Variants in KCNAB1 observed in about 807,000 individuals in gnomAD.
KCNAB1 encodes voltage-gated potassium channel subunit beta-1.
Under a neutral mutation model 64.6 loss-of-function variants are expected in KCNAB1, and 35 were observed. The observed-to-expected ratio is 0.54, with a 90% CI of 0.41 to 0.72. The LOEUF (loss-of-function observed/expected upper bound fraction) is 0.72. Ranked by LOEUF, KCNAB1 falls within the 30% of genes least tolerant of loss-of-function variation. The pLI is 0.00. For synonymous variants in KCNAB1, 177 were observed against 183.8 expected (o/e 0.96, Z 0.30); for missense variants, 401 against 512.9 (o/e 0.78, Z 2.11).
chr3:156,285,226 T>A (rs574971416), intron 1 of KCNAB1, among the ~76,000 whole-genome samples: 24 of 152,368 alleles, frequency 1.6e-4, no homozygotes, highest in African/African-American at 4.8e-4. Flanking sequence ...ATAATTCCAC[T>A]TATCTTTGAA....
intron 2 of KCNAB1, chr3:156,441,358 A>G (rs554632741): frequency 1.0e-3 from 152 of 152,304 alleles, no homozygotes; most frequent in African/African-American, 3.5e-3. Context: ...AAGAAAGCAT[A>G]AAAGAGGACA....
chr3:156,151,808 A>T (rs1715427917), intron 1 of KCNAB1, among the ~76,000 whole-genome samples: 1 of 152,220 alleles, frequency 6.6e-6, no homozygotes. Context: ...TAATTTTGTC[A>T]GCTGACACAA....
At chr3:156,499,390 A>G (rs1015722289) in intron 8 of KCNAB1, among the ~76,000 whole-genome samples, 4 of 152,206 alleles carry the variant, frequency 2.6e-5, no homozygotes, top group Admixed American at 2.0e-4. Context: ...GGGGTGAACT[A>G]AATGGCTGGT....
chr3:156,361,008 G>A (rs981244100), intron 1 of KCNAB1, among the ~76,000 whole-genome samples: 19 of 152,074 alleles, frequency 1.2e-4, no homozygotes, highest in Admixed American at 1.3e-4. Context: ...TAAACCTGAA[G>A]TCATTTCACA....
chr3:156,465,814 A>C, intron 7 of KCNAB1, 128 bp downstream of exon 7: 1 of 760,422 alleles, frequency 1.3e-6, no homozygotes, highest in Non-Finnish European at 2.3e-6. Context: ...CAATCAACCA[A>C]GTTTCTTCTT....
At chr3:156,166,118 A>C (rs1454469759) in intron 1 of KCNAB1, among the ~76,000 whole-genome samples, 1 of 152,212 alleles carries the variant, frequency 6.6e-6, no homozygotes, top group Non-Finnish European at 1.5e-5. Flanking sequence ...GCCTTACTTA[A>C]GGGAAAGTAA....
At chr3:156,308,026 T>A (rs1315052989) in intron 1 of KCNAB1, among the ~76,000 whole-genome samples, 1 of 152,158 alleles carries the variant, frequency 6.6e-6, no homozygotes, top group Non-Finnish European at 1.5e-5. Context: ...AACAAGTAAA[T>A]GTTTAGCATG....
chr3:156,497,545 A>G (rs1270151056), intron 8 of KCNAB1, among the ~76,000 whole-genome samples: 1 of 152,250 alleles, frequency 6.6e-6, no homozygotes, highest in Non-Finnish European at 1.5e-5. Context: ...AGACAGGATA[A>G]TAGAATAAGA....
chr3:156,323,946 G>A (rs1722823329), intron 1 of KCNAB1, among the ~76,000 whole-genome samples: 2 of 152,154 alleles, frequency 1.3e-5, no homozygotes, highest in African/African-American at 4.8e-5. Context: ...TTTCAAACAT[G>A]TAGAGTGCTT....
chr3:156,400,073 C>T (rs1661512445), intron 1 of KCNAB1, among the ~76,000 whole-genome samples: 1 of 152,192 alleles, frequency 6.6e-6, no homozygotes, highest in African/African-American at 2.4e-5. Flanking sequence ...ATTAGTTTTC[C>T]ATGTGATTTC....
chr3:156,408,553 G>T (rs1268677691), intron 1 of KCNAB1, among the ~76,000 whole-genome samples: 8 of 152,220 alleles, frequency 5.3e-5, no homozygotes, highest in Non-Finnish European at 1.2e-4. Context: ...GCCAAGGTGG[G>T]TGGATCACTT....
intron 1 of KCNAB1, among the ~76,000 whole-genome samples, chr3:156,185,656 G>A (rs1256252110): frequency 2.0e-5 from 3 of 152,166 alleles, no homozygotes; most frequent in Non-Finnish European, 4.4e-5. Context: ...GGGTAGAGAA[G>A]TAACTAGGAA....
intron 1 of KCNAB1, among the ~76,000 whole-genome samples, chr3:156,144,126 A>G (rs1263281446): frequency 6.6e-6 from 1 of 152,194 alleles, no homozygotes; most frequent in Non-Finnish European, 1.5e-5. Context: ...TTGCTCCTGC[A>G]CAAGTGCTTC....
chr3:156,164,251 A>G (rs1716242556), intron 1 of KCNAB1, among the ~76,000 whole-genome samples: 2 of 152,220 alleles, frequency 1.3e-5, no homozygotes, highest in African/African-American at 4.8e-5. Context: ...TTGAGAGAAT[A>G]AGAGAGCATT....
intron 1 of KCNAB1, among the ~76,000 whole-genome samples, chr3:156,374,345 G>A (rs1159113296): frequency 6.6e-6 from 1 of 152,200 alleles, no homozygotes; most frequent in Non-Finnish European, 1.5e-5. Flanking sequence ...ATGGAGAGGA[G>A]CGAAAAACTA....
chr3:156,345,914 G>T (rs1724452660), intron 1 of KCNAB1, among the ~76,000 whole-genome samples: 1 of 152,072 alleles, frequency 6.6e-6, no homozygotes, highest in Non-Finnish European at 1.5e-5. Context: ...ATAGAATACT[G>T]AATTGAAATA....
chr3:156,329,052 A>C (rs1723166080), intron 1 of KCNAB1, among the ~76,000 whole-genome samples: 1 of 152,196 alleles, frequency 6.6e-6, no homozygotes, highest in Non-Finnish European at 1.5e-5. Context: ...GTTTAAAAAA[A>C]ACTTCCTTTT....
chr3:156,370,834 G>T (rs757783982), intron 1 of KCNAB1, among the ~76,000 whole-genome samples: 1 of 152,200 alleles, frequency 6.6e-6, no homozygotes, highest in Non-Finnish European at 1.5e-5. Context: ...TTCCGTGGTG[G>T]CAGGCTGGGT....
chr3:156,261,275 T>G (rs552546669), intron 1 of KCNAB1, among the ~76,000 whole-genome samples: 2 of 152,090 alleles, frequency 1.3e-5, no homozygotes, highest in East Asian at 3.9e-4. Context: ...CTTTTTTTCT[T>G]TTATATATTT....
Sources: gnomAD v4.1 joint callset for allele counts (sites outside exome capture counted in the v4.1 genomes callset) on GRCh38, gnomAD v4.1.1 for gene constraint, MANE v1.5 for transcripts, NCBI Gene and HGNC (gene_info 2026-07-23, HGNC 2026-07-21) for gene names.